RBPMS: variants seen among roughly 807,000 people sequenced by gnomAD.
RBPMS encodes RNA binding protein, mRNA processing factor.
In RBPMS, 7 loss-of-function variants were observed where a neutral mutation model predicts 26.8. The ratio of observed to expected loss-of-function variants is 0.26; its 90% CI spans 0.15 to 0.49. The LOEUF is 0.49. Ranked by LOEUF, RBPMS falls within the 20% of genes least tolerant of loss-of-function variation. The probability of loss-of-function intolerance (pLI) is 0.98; values close to 1 mark genes in which losing one functional copy is unlikely to be tolerated. For synonymous variants in RBPMS, 96 were observed against 93.3 expected, an observed-to-expected ratio of 1.03 and a Z score of -0.17; for missense variants, 186 against 250.0, an observed-to-expected ratio of 0.74 and a Z score of 1.73.
intron 1 of RBPMS, among the ~76,000 whole-genome samples, chr8:30,409,910 C>T (rs1390396081): frequency 2.6e-5 from 4 of 151,998 alleles, no homozygotes; most frequent in Non-Finnish European, 5.9e-5. Context: ...GGATTATAGG[C>T]GTGAGCCACC....
intron 5 of RBPMS, among the ~76,000 whole-genome samples, chr8:30,525,639 A>G (rs1045350547): frequency 7.2e-5 from 11 of 151,916 alleles, no homozygotes; most frequent in African/African-American, 2.4e-4. Flanking sequence ...GAATTGTGTT[A>G]CTTACTCCTT....
At chr8:30,528,203 A>G (rs963447614) in intron 5 of RBPMS, among the ~76,000 whole-genome samples, 7 of 152,154 alleles carry the variant, frequency 4.6e-5, no homozygotes, top group African/African-American at 1.7e-4. Flanking sequence ...ATAGGTTTAA[A>G]ATGGTAATCC....
intron 5 of RBPMS, among the ~76,000 whole-genome samples, chr8:30,519,112 G>T (rs575638731): frequency 6.6e-6 from 1 of 152,210 alleles, no homozygotes; most frequent in East Asian, 1.9e-4. Flanking sequence ...TTCTTGGCAG[G>T]TTTACAAAGA....
At chr8:30,427,542 G>A (rs1490557483) in intron 1 of RBPMS, among the ~76,000 whole-genome samples, 3 of 152,176 alleles carry the variant, frequency 2.0e-5, no homozygotes, top group African/African-American at 4.8e-5. Context: ...TGGAAGCCTC[G>A]CTGAACTCCC....
chr8:30,459,351 G>A, intron 1 of RBPMS, among the ~76,000 whole-genome samples: 1 of 151,880 alleles, frequency 6.6e-6, no homozygotes, highest in South Asian at 2.1e-4. Flanking sequence ...GAACTCGTGT[G>A]CTCAAGTGAT....
At chr8:30,410,141 A>AACAC (rs781275497) in intron 1 of RBPMS, among the ~76,000 whole-genome samples, 1 of 86,904 alleles carries the variant, frequency 1.2e-5, no homozygotes, top group Admixed American at 1.1e-4. Flanking sequence ...GGTGACTTAA[A>AACAC]ATACACACAC....
rs1322915184 is a variant in RBPMS at position 30,511,485 on chromosome 8, AAATATATATATATATATATATATAT to A, written c.397+7051_397+7075del. Among the ~76,000 whole-genome samples, 6 of 6,144 alleles carry A rather than the reference AAATATATATATATATATATATATAT, an allele frequency of 9.8e-4. 1 individual carries two copies. In the South Asian group the frequency reaches 0.01, roughly 10 times the overall value. The allele number at this position is 6,144 out of a possible 152,430, so 4.0% of individuals were successfully genotyped here. A position where few individuals can be genotyped will look rare whatever the true frequency, so the allele number is the denominator to read the frequency against. On this transcript the variant is annotated intron_variant, in intron 5 of 8. Transcript: ENST00000397323. ...AAACAAAAAAAGAAAAAAAAAAAAA[AAATATATATATATATATATATATAT>A]ATATATATATATATATTTCTGTGTG... is the stretch of plus-strand genomic sequence containing the variant.
chr8:30,490,873 T>C (rs1020844658), intron 4 of RBPMS, among the ~76,000 whole-genome samples: 2 of 152,198 alleles, frequency 1.3e-5, no homozygotes, highest in Admixed American at 1.3e-4. Flanking sequence ...AGATAGGTTT[T>C]GCCTCACTTT....
At chr8:30,446,794 C>CG (rs1813829810) in intron 1 of RBPMS, 24 of 117,372 alleles carry the variant, frequency 2.0e-4, no homozygotes, top group Admixed American at 1.7e-3. Context: ...CCACACATGG[C>CG]TTGTGTGTGT....
intron 1 of RBPMS, among the ~76,000 whole-genome samples, chr8:30,450,877 T>C (rs1814503535): frequency 6.7e-6 from 1 of 149,822 alleles, no homozygotes; most frequent in African/African-American, 2.4e-5. Context: ...ATAAAATTAC[T>C]TCTCCTTTGC....
At chr8:30,515,316 A>G (rs1269086599) in intron 5 of RBPMS, among the ~76,000 whole-genome samples, 2 of 152,226 alleles carry the variant, frequency 1.3e-5, no homozygotes, top group African/African-American at 4.8e-5. Flanking sequence ...GCTCATTGAT[A>G]AGGTTTCAGA....
At chr8:30,437,283 T>A (rs1180775781) in intron 1 of RBPMS, among the ~76,000 whole-genome samples, 1 of 152,136 alleles carries the variant, frequency 6.6e-6, no homozygotes, top group African/African-American at 2.4e-5. Flanking sequence ...AAAATTGATC[T>A]TATCAGAGCC....
At position 30,560,497 on chromosome 8, in the gene RBPMS, G is replaced by T. The variant is rs183497701; in HGVS notation, c.*7+1541G>T. On this transcript the variant is annotated intron_variant, in intron 7 of 8. Coordinates refer to ENST00000397323, the MANE Select transcript of RBPMS (RefSeq NM_001008710.3). ...AGGGATAGGAAAGTTGAGAGAGAGC[G>T]CTCTGTGCTTTAGGACATCAGCATC... 6.5e-4 allele frequency among the ~76,000 whole-genome samples: 99 copies of T among 152,264 alleles called. 1 individual carries two copies. The highest frequency in any genetic ancestry group is 3.4e-3 in the Middle Eastern group (1 of 294).
Position 30,547,710 on chromosome 8 carries a change from C to T in RBPMS, c.528+3086C>T, listed in dbSNP as rs545835185. On this transcript the variant is annotated intron_variant, in intron 6 of 8. Transcript: ENST00000397323. Reference sequence around the variant, plus strand: ...CCACACTGCTGCTGCTTGTCTCTCCCTGGGCTCCCAGAAGAGCCACCAAGA... The same window carrying T: ...CCACACTGCTGCTGCTTGTCTCTCCTTGGGCTCCCAGAAGAGCCACCAAGA... 3.9e-5 allele frequency among the ~76,000 whole-genome samples: 6 copies of T among 152,354 alleles called. No homozygotes were observed. In the East Asian group the frequency reaches 1.2e-3, roughly 29 times the overall value.
chr8:30,525,805 T>C (rs1823519303), intron 5 of RBPMS, among the ~76,000 whole-genome samples: 1 of 152,242 alleles, frequency 6.6e-6, no homozygotes, highest in African/African-American at 2.4e-5. Flanking sequence ...TAGAGCTCTC[T>C]GCAGGTTGCA....
chr8:30,408,500 G>A (rs565157447), intron 1 of RBPMS, among the ~76,000 whole-genome samples: 14 of 152,234 alleles, frequency 9.2e-5, no homozygotes, highest in Non-Finnish European at 1.8e-4. Flanking sequence ...CTACATTCCA[G>A]CCTGGGCAAC....
chr8:30,519,928 A>T (rs1441416109), intron 5 of RBPMS, among the ~76,000 whole-genome samples: 1 of 151,916 alleles, frequency 6.6e-6, no homozygotes, highest in Non-Finnish European at 1.5e-5. Context: ...TTTACTGTAA[A>T]TATAAAAGCT....
chr8:30,544,891 A>T, intron 6 of RBPMS: 1 of 1,489,858 alleles, frequency 6.7e-7, no homozygotes, highest in South Asian at 1.4e-5. Flanking sequence ...CACATGAGAG[A>T]CCGGGGCAGG....
chr8:30,454,559 T>C (rs1268192035), intron 1 of RBPMS, among the ~76,000 whole-genome samples: 1 of 152,240 alleles, frequency 6.6e-6, no homozygotes, highest in Non-Finnish European at 1.5e-5. Context: ...TTATGCATTC[T>C]TTTCCTTATA....
Sources: allele counts gnomAD v4.1 joint callset (sites outside exome capture counted in the v4.1 genomes callset), GRCh38; gene constraint gnomAD v4.1.1; transcripts MANE v1.5; gene names NCBI Gene and HGNC (gene_info 2026-07-23, HGNC 2026-07-21).